Variants in ANKRD55 observed in about 807,000 individuals in gnomAD.
ANKRD55 encodes the protein ankyrin repeat domain 55.
Under a neutral mutation model 60.6 loss-of-function variants are expected in ANKRD55, and 41 were observed. The observed-to-expected ratio is 0.68, with a 90% CI of 0.53 to 0.88. ANKRD55 has a LOEUF of 0.88. Ranked by LOEUF, ANKRD55 falls within the 40% of genes least tolerant of loss-of-function variation. The pLI, the probability that ANKRD55 is intolerant of heterozygous loss-of-function variation, is 0.00. For missense variants in ANKRD55, 732 were observed against 767.6 expected (o/e 0.95, Z 0.55); for synonymous variants, 264 against 290.3 (o/e 0.91, Z 0.92).
intron 8 of ANKRD55, among the ~76,000 whole-genome samples, chr5:56,118,115 C>T (rs1001744047): frequency 6.6e-6 from 1 of 151,980 alleles, no homozygotes; most frequent in Admixed American, 6.6e-5. Flanking sequence ...TGCACTCCAT[C>T]ATGGGCGACA....
chr5:56,153,440 T>A lies in ANKRD55; in HGVS notation c.483+6393A>T, dbSNP rs368713791. Among the ~76,000 whole-genome samples the A allele has an allele frequency of 3.1e-3, 477 of 152,318 alleles. 3 individuals carry two copies. Among genetic ancestry groups the A allele is most frequent in the African/African-American group, 0.01 (418 of 41,568 alleles). ...ACAAGAAACACTCTTTAGACTGGTG[T>A]TTATGATGGTGAAAAATTGAGACAA... is the stretch of plus-strand genomic sequence containing the variant. On this transcript the variant is annotated intron_variant, in intron 6 of 11. Transcript: ENST00000341048.
intron 10 of ANKRD55, among the ~76,000 whole-genome samples, chr5:56,108,581 T>A (rs1031690121): frequency 6.6e-6 from 1 of 152,210 alleles, no homozygotes; most frequent in Non-Finnish European, 1.5e-5. Context: ...ATCCTGTGCC[T>A]AAATATGTAT....
chr5:56,219,241 C>T (rs915531172), intron 2 of ANKRD55, among the ~76,000 whole-genome samples: 10 of 137,034 alleles, frequency 7.3e-5, no homozygotes, highest in African/African-American at 2.8e-4. Context: ...CCACTGCACT[C>T]CAGCCTGGGG....
chr5:56,103,381 AT>A (rs1756348423), intron 10 of ANKRD55, among the ~76,000 whole-genome samples: 1 of 152,210 alleles, frequency 6.6e-6, no homozygotes, highest in Admixed American at 6.5e-5. Flanking sequence ...GCTGTTAAAC[AT>A]TCATCAATGT....
At chr5:56,215,889 C>A (rs2111881008) in intron 2 of ANKRD55, among the ~76,000 whole-genome samples, 1 of 151,926 alleles carries the variant, frequency 6.6e-6, no homozygotes, top group East Asian at 1.9e-4. Context: ...GTATTCTTGG[C>A]CAGATCTCCT....
intron 2 of ANKRD55, chr5:56,193,348 T>C (rs1419184379): frequency 2.4e-6 from 2 of 832,544 alleles, no homozygotes; most frequent in Non-Finnish European, 3.8e-6. Flanking sequence ...AAACTTTTCA[T>C]CCCTTTGTTT....
chr5:56,198,293 A>G (rs1031363770), intron 2 of ANKRD55, among the ~76,000 whole-genome samples: 7 of 148,322 alleles, frequency 4.7e-5, no homozygotes, highest in Non-Finnish European at 8.8e-5. Context: ...AATTATTATT[A>G]TTACTGTTTT....
chr5:56,142,638 T>C (rs1269457929), intron 7 of ANKRD55, among the ~76,000 whole-genome samples: 2 of 152,216 alleles, frequency 1.3e-5, no homozygotes, highest in Non-Finnish European at 2.9e-5. Flanking sequence ...TCATCTCAGC[T>C]GAGAACCAAC....
At chr5:56,233,176 C>A (rs1392737047) in intron 1 of ANKRD55, 65 bp downstream of exon 1, 5 of 436,526 alleles carry the variant, frequency 1.1e-5, no homozygotes, top group Non-Finnish European at 1.6e-5. Flanking sequence ...CACCCTCCAC[C>A]CCCAAATCAA....
intron 2 of ANKRD55, among the ~76,000 whole-genome samples, chr5:56,187,609 G>A (rs1467607642): frequency 6.6e-6 from 1 of 152,246 alleles, no homozygotes; most frequent in Non-Finnish European, 1.5e-5. Flanking sequence ...ATCCAGCAGG[G>A]TGACCGCTGT....
At chr5:56,110,169 G>T (rs1294250846) in intron 10 of ANKRD55, among the ~76,000 whole-genome samples, 1 of 151,864 alleles carries the variant, frequency 6.6e-6, no homozygotes, top group Non-Finnish European at 1.5e-5. Context: ...GACCGAGAAG[G>T]GAGGATTGCT....
chr5:56,121,622 G>A (rs575628575), intron 8 of ANKRD55, among the ~76,000 whole-genome samples: 1 of 151,486 alleles, frequency 6.6e-6, no homozygotes, highest in African/African-American at 2.4e-5. Flanking sequence ...CCACCCGCCT[G>A]GGCCTCCCAA....
chr5:56,207,773 T>C (rs1048219382), intron 2 of ANKRD55, among the ~76,000 whole-genome samples: 2 of 152,174 alleles, frequency 1.3e-5, no homozygotes, highest in Non-Finnish European at 2.9e-5. Flanking sequence ...GAGTGAGTGG[T>C]GATTGAATGT....
At chr5:56,137,633 C>A (rs1197356223) in intron 7 of ANKRD55, 3 of 521,242 alleles carry the variant, frequency 5.8e-6, no homozygotes, top group African/African-American at 1.9e-5. Context: ...TTGGTGATGA[C>A]TTTTAGATAC....
chr5:56,151,829 A>C (rs1425413158), intron 6 of ANKRD55, among the ~76,000 whole-genome samples: 30 of 141,832 alleles, frequency 2.1e-4, no homozygotes, highest in Non-Finnish European at 4.1e-4. Context: ...AAAAAAATCT[A>C]TATATATATA....
chr5:56,122,673 T>G (rs138403235), intron 8 of ANKRD55, among the ~76,000 whole-genome samples: 13 of 151,760 alleles, frequency 8.6e-5, no homozygotes, highest in African/African-American at 3.1e-4. Flanking sequence ...AATAAAAGAT[T>G]GAATAACTAT....
intron 5 of ANKRD55, among the ~76,000 whole-genome samples, chr5:56,164,868 G>T (rs1334732827): frequency 6.6e-6 from 1 of 152,158 alleles, no homozygotes; most frequent in Admixed American, 6.5e-5. Flanking sequence ...GTGCCTTCAC[G>T]TTCATGATTA....
intron 7 of ANKRD55, among the ~76,000 whole-genome samples, chr5:56,141,187 G>A (rs888215404): frequency 7.8e-6 from 1 of 128,594 alleles, no homozygotes; most frequent in Non-Finnish European, 1.6e-5. Flanking sequence ...GCCCAGGTTA[G>A]TCTTGAACTC....
At chr5:56,154,137 C>T (rs1395927744) in intron 6 of ANKRD55, among the ~76,000 whole-genome samples, 1 of 127,674 alleles carries the variant, frequency 7.8e-6, no homozygotes, top group Non-Finnish European at 1.6e-5. Flanking sequence ...GGAGGTGGAG[C>T]TTGCAGTGAG....
Sources: gnomAD v4.1 joint callset for allele counts (sites outside exome capture counted in the v4.1 genomes callset) on GRCh38, gnomAD v4.1.1 for gene constraint, MANE v1.5 for transcripts, NCBI Gene and HGNC (gene_info 2026-07-23, HGNC 2026-07-21) for gene names.